Variants in PDE4B observed in about 807,000 individuals in gnomAD.
The protein encoded by PDE4B is phosphodiesterase 4B, also known as 3',5'-cyclic-AMP phosphodiesterase 4B.
PDE4B carries 20 observed loss-of-function variants against 82.2 expected under a neutral mutation model. That is an observed-to-expected ratio of 0.24 (90% CI 0.17 to 0.35). The LOEUF (loss-of-function observed/expected upper bound fraction) is 0.35. Ranked by LOEUF, PDE4B falls within the 10% of genes least tolerant of loss-of-function variation. The probability of loss-of-function intolerance (pLI) is 1.00; values close to 1 mark genes in which losing one functional copy is unlikely to be tolerated. For synonymous variants in PDE4B, 320 were observed against 318.9 expected, an observed-to-expected ratio of 1.00 and a Z score of -0.04; for missense variants, 655 against 907.2, an observed-to-expected ratio of 0.72 and a Z score of 3.57.
At position 66,161,054 on chromosome 1, in the gene PDE4B, ATT is replaced by A. The variant is rs11345376; in HGVS notation, c.282-86397_282-86396del. ...ACCAGTCTTCTGGAAGATGAAAGGC[ATT>A]TTTTTTTTCCTTGAAAATTGTAGCA... is the stretch of plus-strand genomic sequence containing the variant. On this transcript the variant is annotated intron_variant, in intron 3 of 16. Transcript: ENST00000341517. Among the ~76,000 whole-genome samples, 28 of 151,534 alleles carry A rather than the reference ATT, an allele frequency of 1.8e-4. No homozygotes were observed. In the East Asian group the frequency reaches 2.3e-3, roughly 13 times the overall value.
rs140100401 is a variant in PDE4B at position 66,231,495 on chromosome 1, G to A, written c.282-15965G>A. Among the ~76,000 whole-genome samples the A allele has an allele frequency of 4.6e-3, 703 of 152,368 alleles. 26 individuals carry two copies. The South Asian group carries it at 0.06, about 13-fold the overall frequency. ...AGGAAATGGAGTTATTGACAGAGCT[G>A]AGAAGTATTCAGGGATGTCTGTATC... On this transcript the variant is annotated intron_variant, in intron 3 of 16. Coordinates refer to ENST00000341517, the MANE Select transcript of PDE4B (RefSeq NM_002600.4).
At chr1:66,218,968 C>T (rs1286079440) in intron 3 of PDE4B, among the ~76,000 whole-genome samples, 1 of 152,102 alleles carries the variant, frequency 6.6e-6, no homozygotes, top group Non-Finnish European at 1.5e-5. Flanking sequence ...ATTTACTAAT[C>T]TGCATTATTT....
chr1:65,978,186 C>G (rs1650509542), intron 3 of PDE4B, among the ~76,000 whole-genome samples: 1 of 150,076 alleles, frequency 6.7e-6, no homozygotes, highest in South Asian at 2.1e-4. Context: ...CACCAGCACA[C>G]CCGGGTAATT....
chr1:65,900,813 T>A (rs1646963405), intron 1 of PDE4B, among the ~76,000 whole-genome samples: 1 of 152,162 alleles, frequency 6.6e-6, no homozygotes. Context: ...TCTTGTATCC[T>A]GAAACTTTAC....
chr1:65,960,313 G>T (rs1435283489), intron 3 of PDE4B, among the ~76,000 whole-genome samples: 2 of 152,122 alleles, frequency 1.3e-5, no homozygotes, highest in African/African-American at 4.8e-5. Context: ...AAGAATGATA[G>T]GTCACCATCT....
At chr1:66,264,704 C>G (rs1159876665) in intron 6 of PDE4B, among the ~76,000 whole-genome samples, 1 of 152,162 alleles carries the variant, frequency 6.6e-6, no homozygotes, top group Non-Finnish European at 1.5e-5. Context: ...TAGATTGTCC[C>G]TAAAGGACCA....
At chr1:66,325,360 A>G (rs539213965) in intron 7 of PDE4B, among the ~76,000 whole-genome samples, 23 of 152,232 alleles carry the variant, frequency 1.5e-4, no homozygotes, top group Non-Finnish European at 3.1e-4. Context: ...AGGGATTTCC[A>G]ATATAATCAT....
intron 10 of PDE4B, among the ~76,000 whole-genome samples, chr1:66,362,349 A>G (rs1662848338): frequency 6.6e-6 from 1 of 152,208 alleles, no homozygotes; most frequent in African/African-American, 2.4e-5. Flanking sequence ...GGAGGGAGGC[A>G]TAGAAAGAAT....
At chr1:66,359,621 T>A (rs1334269175) in intron 9 of PDE4B, among the ~76,000 whole-genome samples, 1 of 152,168 alleles carries the variant, frequency 6.6e-6, no homozygotes, top group African/African-American at 2.4e-5. Context: ...GAATCTTTAA[T>A]TAAACAAAGG....
rs1339970888 is a variant in PDE4B, at chr1:66,361,798, G to A, written c.1020+5G>A. The A allele has an allele frequency of 6.2e-6, 10 of 1,605,542 alleles. No individual in the cohort carries two copies. The highest frequency in any genetic ancestry group is 3.4e-5 in the Admixed American group (2 of 58,992). On this transcript the variant is annotated splice_donor_5th_base_variant and intron_variant, in intron 10 of 16. Coordinates refer to ENST00000341517, the MANE Select transcript of PDE4B (RefSeq NM_002600.4). ...AATGAAGATCACCTGGCCAAGGTGT[G>A]TATAAGCTCAGGTTTTGTGCATGTA... is the stretch of plus-strand genomic sequence containing the variant.
At chr1:66,085,569 CA>C (rs1303875585) in intron 3 of PDE4B, among the ~76,000 whole-genome samples, 2 of 152,084 alleles carry the variant, frequency 1.3e-5, no homozygotes, top group African/African-American at 2.4e-5. Flanking sequence ...TCATGGAAAG[CA>C]GCTCTCAGAG....
At chr1:66,264,247 C>A (rs1467028106) in intron 6 of PDE4B, among the ~76,000 whole-genome samples, 2 of 152,146 alleles carry the variant, frequency 1.3e-5, no homozygotes, top group Admixed American at 1.3e-4. Flanking sequence ...GGCTAGAGAG[C>A]AAAGACTTTG....
intron 3 of PDE4B, among the ~76,000 whole-genome samples, chr1:65,938,010 C>CAA (rs1648249448): frequency 6.6e-6 from 1 of 151,998 alleles, no homozygotes. Flanking sequence ...GAAGAACAAA[C>CAA]AAAAAATGGC....
chr1:66,289,254 C>A (rs1656897777), intron 7 of PDE4B, among the ~76,000 whole-genome samples: 1 of 152,040 alleles, frequency 6.6e-6, no homozygotes, highest in South Asian at 2.1e-4. Context: ...AGTGACAGAG[C>A]AAGACCTGTC....
intron 3 of PDE4B, among the ~76,000 whole-genome samples, chr1:66,104,144 C>A (rs965362621): frequency 6.9e-6 from 1 of 145,572 alleles, no homozygotes; most frequent in African/African-American, 2.5e-5. Context: ...TGTGTCCATG[C>A]GTTCTCGTTG....
At chr1:65,836,035 G>A (rs984569598) in intron 1 of PDE4B, among the ~76,000 whole-genome samples, 6 of 151,922 alleles carry the variant, frequency 3.9e-5, no homozygotes, top group South Asian at 2.1e-4. Flanking sequence ...TCCGCCTCCC[G>A]GGTTCAAGCG....
intron 3 of PDE4B, among the ~76,000 whole-genome samples, chr1:66,093,308 A>C (rs945161091): frequency 1.3e-5 from 2 of 152,050 alleles, no homozygotes; most frequent in Non-Finnish European, 2.9e-5. Flanking sequence ...TTGTATATAC[A>C]TTATTTCATT....
intron 1 of PDE4B, among the ~76,000 whole-genome samples, chr1:65,834,498 C>T (rs1261922510): frequency 6.6e-6 from 1 of 152,120 alleles, no homozygotes; most frequent in Non-Finnish European, 1.5e-5. Context: ...CGTCTATATG[C>T]AATGTAGAAT....
intron 3 of PDE4B, among the ~76,000 whole-genome samples, chr1:66,244,727 C>T (rs957389996): frequency 6.6e-6 from 1 of 152,242 alleles, no homozygotes; most frequent in Non-Finnish European, 1.5e-5. Flanking sequence ...AAGACTGCTT[C>T]TTTGCATCAG....
Sources: gnomAD v4.1 joint callset for allele counts (sites outside exome capture counted in the v4.1 genomes callset) on GRCh38, gnomAD v4.1.1 for gene constraint, MANE v1.5 for transcripts, NCBI Gene and HGNC (gene_info 2026-07-23, HGNC 2026-07-21) for gene names.